Variants in GRID1 observed in about 807,000 individuals in gnomAD.
GRID1 encodes the protein glutamate receptor ionotropic, delta-1.
GRID1 carries 28 observed loss-of-function variants against 98.0 expected under a neutral mutation model. The observed-to-expected ratio is 0.29, with a 90% CI of 0.21 to 0.39. GRID1 has a LOEUF of 0.39. Ranked by LOEUF, GRID1 falls within the 10% of genes least tolerant of loss-of-function variation. The pLI, the probability that GRID1 is intolerant of heterozygous loss-of-function variation, is 1.00. For missense variants in GRID1, 1,111 were observed against 1,340.5 expected (o/e 0.83, Z 2.67); for synonymous variants, 553 against 538.5 (o/e 1.03, Z -0.37).
intron 13 of GRID1, among the ~76,000 whole-genome samples, chr10:85,621,169 G>T (rs1255305359): frequency 1.3e-5 from 2 of 152,150 alleles, no homozygotes. Context: ...TGTTCTTAAT[G>T]CAGCAAAGTG....
intron 5 of GRID1, among the ~76,000 whole-genome samples, chr10:85,875,918 A>T (rs1291650225): frequency 6.6e-6 from 1 of 152,228 alleles, no homozygotes; most frequent in East Asian, 1.9e-4. Flanking sequence ...ATCTGGGGTC[A>T]TCTTCCTTCT....
chr10:85,742,312 T>G (rs970980692), intron 8 of GRID1, among the ~76,000 whole-genome samples: 37 of 152,340 alleles, frequency 2.4e-4, no homozygotes, highest in Non-Finnish European at 7.4e-5. Context: ...ATGGTCTCTG[T>G]GGTCAACTAC....
At chr10:86,153,608 G>A (rs1421624710) in intron 3 of GRID1, among the ~76,000 whole-genome samples, 2 of 152,178 alleles carry the variant, frequency 1.3e-5, no homozygotes, top group African/African-American at 4.8e-5. Flanking sequence ...GTGGTCAGCA[G>A]AGGCCAGGAG....
At chr10:85,689,749 A>C (rs1305704947) in intron 12 of GRID1, among the ~76,000 whole-genome samples, 1 of 152,216 alleles carries the variant, frequency 6.6e-6, no homozygotes, top group Non-Finnish European at 1.5e-5. Flanking sequence ...AGGAGGAGGA[A>C]GGACACATTC....
intron 13 of GRID1, chr10:85,644,143 C>T (rs1843158038): frequency 6.6e-6 from 1 of 152,212 alleles, no homozygotes; most frequent in African/African-American, 2.4e-5. Flanking sequence ...AGGAGCCCAG[C>T]ACTGCCTTGC....
At chr10:85,990,750 A>G (rs1357556797) in intron 4 of GRID1, among the ~76,000 whole-genome samples, 1 of 152,178 alleles carries the variant, frequency 6.6e-6, no homozygotes, top group Non-Finnish European at 1.5e-5. Context: ...CTTGGGTTTT[A>G]TTTTAAGTTG....
At chr10:85,720,926 T>G (rs1397797728) in intron 12 of GRID1, among the ~76,000 whole-genome samples, 3 of 152,304 alleles carry the variant, frequency 2.0e-5, no homozygotes, top group African/African-American at 4.8e-5. Context: ...AGACAAGCTA[T>G]AGAGTGGCAG....
intron 4 of GRID1, among the ~76,000 whole-genome samples, chr10:85,935,861 C>T (rs1178214875): frequency 6.6e-6 from 1 of 152,168 alleles, no homozygotes; most frequent in African/African-American, 2.4e-5. Flanking sequence ...CAATCTGGTG[C>T]CAAAACCAAG....
chr10:85,744,444 A>G (rs568464843), intron 8 of GRID1, among the ~76,000 whole-genome samples: 1,567 of 151,680 alleles, frequency 0.01, 28 homozygotes, highest in African/African-American at 0.036. Flanking sequence ...GATCTTTGAC[A>G]AACCTGAGAA....
At chr10:86,055,756 A>G (rs1843563524) in intron 4 of GRID1, among the ~76,000 whole-genome samples, 1 of 150,782 alleles carries the variant, frequency 6.6e-6, no homozygotes, top group South Asian at 2.1e-4. Context: ...AACAACAAGA[A>G]GAAGAAGGAG....
Position 86,206,653 on chromosome 10 carries a change from AAAGAGAG to A in GRID1, c.236-12_236-6del, listed in dbSNP as rs749981858. ...CCTGGGTCATGAGGTCACAGGCTAGAAAGAGAGAAGAGAGAGAGGAAGGGGTCAGCAT... is the reference window on the plus strand; with the variant it reads ...CCTGGGTCATGAGGTCACAGGCTAGAAAGAGAGAGAGGAAGGGGTCAGCAT... On this transcript the variant is annotated splice_polypyrimidine_tract_variant and splice_region_variant and intron_variant, in intron 2 of 15. Transcript: ENST00000327946. The surrounding 1 kb of genome is among the most constrained non-coding windows in gnomAD (Gnocchi z 4.1). 12 of 1,608,842 alleles carry A rather than the reference AAAGAGAG, an allele frequency of 7.5e-6. No individual in the cohort carries two copies. The highest frequency in any genetic ancestry group is 1.1e-5 in the South Asian group (1 of 90,922).
At chr10:86,117,418 T>C (rs1349311769) in intron 4 of GRID1, among the ~76,000 whole-genome samples, 1 of 149,158 alleles carries the variant, frequency 6.7e-6, no homozygotes, top group Non-Finnish European at 1.5e-5. Flanking sequence ...CCATCACTAT[T>C]ACCACCACCA....
At chr10:85,845,807 T>C (rs1843000091) in intron 8 of GRID1, among the ~76,000 whole-genome samples, 1 of 152,136 alleles carries the variant, frequency 6.6e-6, no homozygotes, top group Non-Finnish European at 1.5e-5. Context: ...TATCTAAAAC[T>C]ACATACAACA....
intron 8 of GRID1, among the ~76,000 whole-genome samples, chr10:85,820,043 C>A (rs111569600): frequency 0.017 from 1,759 of 102,312 alleles, 31 homozygotes; most frequent in East Asian, 0.041. Context: ...GGCAGGCAGG[C>A]AGGCAGGCAG....
chr10:85,874,666 T>A (rs1038541035), intron 5 of GRID1, among the ~76,000 whole-genome samples: 8 of 152,300 alleles, frequency 5.3e-5, no homozygotes, highest in African/African-American at 1.9e-4. Flanking sequence ...TACAAACCCA[T>A]CTAACTTTGG....
intron 8 of GRID1, among the ~76,000 whole-genome samples, chr10:85,840,857 A>G (rs1250313297): frequency 6.6e-6 from 1 of 152,038 alleles, no homozygotes; most frequent in Non-Finnish European, 1.5e-5. Context: ...ACAAATGAAA[A>G]AAACATTCAT....
chr10:85,982,704 T>C (rs1842560860), intron 4 of GRID1, among the ~76,000 whole-genome samples: 1 of 152,150 alleles, frequency 6.6e-6, no homozygotes, highest in Non-Finnish European at 1.5e-5. Flanking sequence ...TAACAGATAA[T>C]GTATGCAAAA....
At chr10:85,985,788 G>A (rs1249940107) in intron 4 of GRID1, among the ~76,000 whole-genome samples, 3 of 152,168 alleles carry the variant, frequency 2.0e-5, no homozygotes, top group African/African-American at 4.8e-5. Context: ...TGGCCCCATT[G>A]GATCTCCCGG....
At chr10:86,151,513 G>A (rs1039423880) in intron 3 of GRID1, among the ~76,000 whole-genome samples, 12 of 152,124 alleles carry the variant, frequency 7.9e-5, no homozygotes, top group Admixed American at 7.9e-4. Context: ...TCAAATGCTG[G>A]AGTTTGGCAT....
Sources: gnomAD v4.1 joint callset for allele counts (sites outside exome capture counted in the v4.1 genomes callset) on GRCh38, gnomAD v4.1.1 for gene constraint, Gnocchi (gnomAD v3.1) non-coding constraint, MANE v1.5 for transcripts, NCBI Gene and HGNC (gene_info 2026-07-23, HGNC 2026-07-21) for gene names.